The following SEMA4D variants were observed in gnomAD, a reference collection of about 807,000 sequenced individuals.
SEMA4D encodes the protein semaphorin-4D.
Under a neutral mutation model 74.8 loss-of-function variants are expected in SEMA4D, and 22 were observed. The ratio of observed to expected loss-of-function variants is 0.29; its 90% CI spans 0.21 to 0.42. SEMA4D has a LOEUF of 0.42. SEMA4D is among the 10% of genes least tolerant of loss of function. The probability of loss-of-function intolerance (pLI) is 1.00; values close to 1 mark genes in which losing one functional copy is unlikely to be tolerated. For synonymous variants in SEMA4D, 445 were observed against 463.7 expected (o/e 0.96, Z 0.52); for missense variants, 937 against 1,118.4 (o/e 0.84, Z 2.31).
chr9:89,385,455 ACCCTTCAAATCTCCAGGGCT>A, intron 13 of SEMA4D: 1 of 985,268 alleles, frequency 1.0e-6, no homozygotes, highest in Non-Finnish European at 1.2e-6. Context: ...TAAAGCGTCG[ACCCTTCAAATCTCCAGGGCT>A]CCCTTTGTGT....
At chr9:89,385,866 G>GGGGGGGGGGGCCCCCCCCCCCCC in intron 13 of SEMA4D, 1 of 196,226 alleles carries the variant, frequency 5.1e-6, no homozygotes, top group Non-Finnish European at 9.0e-6. Flanking sequence ...CAGCGTGGAT[G>GGGGGGGGGGGCCCCCCCCCCCCC]CCCGCCCACC....
Position 89,363,941 on chromosome 9 carries a change from T to C in SEMA4D, c.1892A>G (p.Asp631Gly), listed in dbSNP as rs1449460690. 1.9e-6 allele frequency: 3 copies of C among 1,614,030 alleles called. No individual in the cohort carries two copies. In the South Asian group the frequency reaches 3.3e-5, roughly 18 times the overall value. Residue 631 changes from aspartate to glycine, a missense_variant, in exon 17 of 19, where the codon GAC becomes GGC. By Grantham distance (94) the Asp-to-Gly change is moderately conservative (BLOSUM62 -1). Coordinates refer to the SEMA4D transcript ENST00000339861. ...ATTCTTCTCCCAGACAAAGCGAATG[T>C]CTGCAGGACCTGGGGACACAGACCG... is the stretch of plus-strand genomic sequence containing the variant.
intron 16 of SEMA4D, chr9:89,369,202 T>C (rs567876379): frequency 5.3e-5 from 8 of 152,264 alleles, no homozygotes; most frequent in Admixed American, 5.2e-4. Flanking sequence ...AACACACACA[T>C]GCGTGCCAAC....
intron 15 of SEMA4D, among the ~76,000 whole-genome samples, chr9:89,380,545 A>G (rs1836795884): frequency 6.6e-6 from 1 of 152,234 alleles, no homozygotes; most frequent in Non-Finnish European, 1.5e-5. Context: ...AGGGTCAGGA[A>G]GACACAGAAC....
intron 1 of SEMA4D, among the ~76,000 whole-genome samples, chr9:89,471,358 T>C (rs1318443955): frequency 1.3e-5 from 2 of 152,256 alleles, no homozygotes; most frequent in Non-Finnish European, 2.9e-5. Flanking sequence ...AAATGATCAA[T>C]TTTATGTTTA....
chr9:89,385,513 A>C (rs1838250746), intron 13 of SEMA4D: 1 of 985,372 alleles, frequency 1.0e-6, no homozygotes, highest in South Asian at 4.7e-5. Flanking sequence ...TGGTGAACAG[A>C]TGCCAGTACC....
intron 2 of SEMA4D, among the ~76,000 whole-genome samples, chr9:89,429,670 G>A (rs908768371): frequency 7.9e-5 from 12 of 152,120 alleles, no homozygotes; most frequent in Non-Finnish European, 1.8e-4. Flanking sequence ...AGGTTCCTGG[G>A]TCCCAGCCGG....
intron 1 of SEMA4D, among the ~76,000 whole-genome samples, chr9:89,462,785 TAAA>T (rs929239926): frequency 2.7e-5 from 4 of 150,140 alleles, no homozygotes; most frequent in Middle Eastern, 3.4e-3. Flanking sequence ...TCTCTACAAA[TAAA>T]AAACAATTAG....
chr9:89,464,841 C>A (rs571051975), intron 1 of SEMA4D, among the ~76,000 whole-genome samples: 1 of 151,836 alleles, frequency 6.6e-6, no homozygotes, highest in Non-Finnish European at 1.5e-5. Flanking sequence ...GGGGAGGGTG[C>A]GGAGAGCACC....
chr9:89,422,367 G>A (rs904055620), intron 2 of SEMA4D, among the ~76,000 whole-genome samples: 7 of 152,238 alleles, frequency 4.6e-5, no homozygotes, highest in African/African-American at 1.4e-4. Context: ...TTTCTGGCTT[G>A]GGGAGGGCAG....
chr9:89,448,642 G>A (rs1359301304), intron 2 of SEMA4D, among the ~76,000 whole-genome samples: 2 of 152,254 alleles, frequency 1.3e-5, no homozygotes, highest in Non-Finnish European at 2.9e-5. Flanking sequence ...GCACATAGAT[G>A]AGAATGTGTC....
chr9:89,388,489 T>C lies in SEMA4D; in HGVS notation c.1107+147A>G, dbSNP rs1839059285. On this transcript the variant is annotated intron_variant, in intron 11 of 15. Transcript: ENST00000422704. The stretch of plus-strand genomic sequence containing the variant: ...CATGCAAAAGGGAAGAAGGATGAGC[T>C]GTGCTCATCGGCCGTCCCTGTCCCA... 3.5e-6 allele frequency: 3 copies of C among 866,432 alleles called. No individual in the cohort carries two copies. The East Asian group carries it at 8.5e-5, about 24-fold the overall frequency. 53.7% of individuals were successfully genotyped at this position (866,432 alleles called of 1,614,324 possible).
At chr9:89,483,794 G>A (rs1054466384) in intron 1 of SEMA4D, among the ~76,000 whole-genome samples, 4 of 152,156 alleles carry the variant, frequency 2.6e-5, no homozygotes, top group Admixed American at 6.5e-5. Context: ...CACTGTCAGC[G>A]TCTGAAGCCA....
At chr9:89,464,671 A>G (rs1858204925) in intron 1 of SEMA4D, among the ~76,000 whole-genome samples, 1 of 152,044 alleles carries the variant, frequency 6.6e-6, no homozygotes, top group African/African-American at 2.4e-5. Context: ...GGGGAAACTG[A>G]CAGCAACTCA....
At chr9:89,383,945 G>C (rs543671982) in intron 13 of SEMA4D, among the ~76,000 whole-genome samples, 1 of 152,220 alleles carries the variant, frequency 6.6e-6, no homozygotes, top group South Asian at 2.1e-4. Context: ...CTCTGTCTCT[G>C]CTGCTGTGTG....
chr9:89,380,973 A>G (rs1836900933), intron 15 of SEMA4D, 82 bp downstream of exon 15: 2 of 1,518,538 alleles, frequency 1.3e-6, no homozygotes, highest in Non-Finnish European at 1.8e-6. Context: ...ACACACACAA[A>G]TGCCACAGAA....
downstream of SEMA4D, among the ~76,000 whole-genome samples, chr9:89,376,040 G>A (rs1457012601): frequency 1.3e-5 from 2 of 152,164 alleles, no homozygotes; most frequent in African/African-American, 4.8e-5. Context: ...GTCTCGCTAT[G>A]TTGCTCAAGC....
At chr9:89,455,557 C>T (rs941901422) in intron 2 of SEMA4D, among the ~76,000 whole-genome samples, 10 of 152,292 alleles carry the variant, frequency 6.6e-5, no homozygotes, top group Middle Eastern at 6.8e-3. Flanking sequence ...CCCTTCCTGC[C>T]GGGGAAGCTG....
downstream of SEMA4D, chr9:89,376,844 C>G (rs1473679293): frequency 1.3e-6 from 2 of 1,548,638 alleles, no homozygotes; most frequent in Non-Finnish European, 1.7e-6. Context: ...TGTGGCCTGG[C>G]AGAAGAGGTA....
Sources: allele counts gnomAD v4.1 joint callset (sites outside exome capture counted in the v4.1 genomes callset), GRCh38; gene constraint gnomAD v4.1.1; transcripts MANE v1.5; gene names NCBI Gene and HGNC (gene_info 2026-07-23, HGNC 2026-07-21).